The following DNPEP variants were observed in gnomAD, a reference collection of about 807,000 sequenced individuals.
DNPEP encodes the protein aspartyl aminopeptidase.
DNPEP carries 46 observed loss-of-function variants against 59.1 expected under a neutral mutation model. The observed-to-expected ratio is 0.78, with a 90% CI of 0.61 to 0.99. The LOEUF is 0.99. DNPEP is among the 50% of genes least tolerant of loss of function. The pLI, the probability that DNPEP is intolerant of heterozygous loss-of-function variation, is 0.00. For synonymous variants in DNPEP, 229 were observed against 242.2 expected (o/e 0.95, Z 0.50); for missense variants, 617 against 649.9 (o/e 0.95, Z 0.55).
intron 13 of DNPEP, 78 bp from the exon 14 acceptor site, chr2:219,375,100 C>T (rs1472905854): frequency 6.0e-6 from 9 of 1,507,144 alleles, no homozygotes; most frequent in Admixed American, 1.7e-5. Context: ...CTTAGAATTG[C>T]AGGGTGGGAA....
intron 8 of DNPEP, 118 bp from the exon 9 acceptor site, chr2:219,384,561 C>A: frequency 2.8e-6 from 2 of 723,274 alleles, no homozygotes; most frequent in South Asian, 3.8e-5. Context: ...TGGCTTAGGG[C>A]ACTATTTTGT....
chr2:219,387,027 G>C (rs374439223), intron 2 of DNPEP, 43 bp downstream of exon 2: 1 of 1,611,806 alleles, frequency 6.2e-7, no homozygotes, highest in East Asian at 2.2e-5. Flanking sequence ...GGTGAAGGGC[G>C]CATCAGCCTC....
intron 12 of DNPEP, 51 bp downstream of exon 12, chr2:219,381,494 G>A (rs751956938): frequency 1.8e-5 from 29 of 1,613,608 alleles, no homozygotes; most frequent in East Asian, 6.7e-5. Context: ...ATGAGTCGGC[G>A]CTCGGAACAG....
chr2:219,380,499 G>C (rs1227355611), intron 13 of DNPEP, among the ~76,000 whole-genome samples: 5 of 152,120 alleles, frequency 3.3e-5, no homozygotes, highest in Non-Finnish European at 7.4e-5. Flanking sequence ...TGGGATTACA[G>C]GTGTGAGCCA....
Position 219,374,997 on chromosome 2 carries a change from G to C in DNPEP, c.1265C>G (p.Pro422Arg), listed in dbSNP as rs200988234. 3.6e-4 allele frequency: 575 copies of C among 1,614,116 alleles called. 1 individual carries two copies. The African/African-American group carries it at 7.0e-3, about 20-fold the overall frequency. The change falls in exon 14 of 15, where the codon CCC becomes CGC. Residue 422 changes from proline (P) to arginine (R), a missense_variant. Coordinates refer to ENST00000273075, the MANE Select transcript of DNPEP (RefSeq NM_012100.4). ...LQDLMVRNDTPCGTTIGPILA... is the reference protein window; with the variant it reads ...LQDLMVRNDTRCGTTIGPILA... The stretch of plus-strand genomic sequence containing the variant: ...GATAGGTCCAATGGTGGTTCCACAG[G>C]GGGTGTCATTCCGGACCATGAGATC...
intron 13 of DNPEP, among the ~76,000 whole-genome samples, chr2:219,377,741 T>C (rs989282570): frequency 6.6e-6 from 1 of 151,966 alleles, no homozygotes; most frequent in Non-Finnish European, 1.5e-5. Context: ...CTGGGCAACA[T>C]AGCAAGAACC....
chr2:219,396,943 C>T (rs1954107769), intron 1 of DNPEP, among the ~76,000 whole-genome samples: 1 of 152,152 alleles, frequency 6.6e-6, no homozygotes, highest in Admixed American at 6.5e-5. Flanking sequence ...ACCAACTGCT[C>T]CTGTTAGTGA....
intron 13 of DNPEP, among the ~76,000 whole-genome samples, chr2:219,378,011 A>T (rs1385700334): frequency 1.3e-5 from 2 of 152,152 alleles, no homozygotes; most frequent in Non-Finnish European, 2.9e-5. Flanking sequence ...AAATATATCC[A>T]ATATAATATC....
At chr2:219,395,916 T>G (rs1041399590) in intron 1 of DNPEP, among the ~76,000 whole-genome samples, 1 of 152,178 alleles carries the variant, frequency 6.6e-6, no homozygotes, top group South Asian at 2.1e-4. Flanking sequence ...TGGCAGGTAG[T>G]GGATATACAA....
chr2:219,391,884 A>T, upstream of DNPEP, among the ~76,000 whole-genome samples: 1 of 152,088 alleles, frequency 6.6e-6, no homozygotes, highest in East Asian at 1.9e-4. Flanking sequence ...AAAAAAAAAA[A>T]AAGGTCAGTC....
rs766140069 is a variant in DNPEP, at chr2:219,386,094, G to A, written c.464C>T (p.Pro155Leu). The change falls in exon 6 of 15, where the codon CCT becomes CTT. Residue 155 changes from proline (P) to leucine (L), a missense_variant. Pro to Leu is a moderately conservative substitution (Grantham distance 98). Transcript: ENST00000273075. ...CTGCTGCTCCAGCCGACCTGAGGTA[G>A]GGCACTGCAGCCAGCCAGGCCAGGT... ...TLAGRVIVKC[P>L]TSGRLEQQLV... 1 of 1,614,062 alleles carries A rather than the reference G, an allele frequency of 6.2e-7. No individual in the cohort carries two copies. The highest frequency in any genetic ancestry group is 8.5e-7 in the Non-Finnish European group (1 of 1,180,006).
At chr2:219,384,596 T>G in intron 8 of DNPEP, 153 bp from the exon 9 acceptor site, 1,528 of 481,598 alleles carry the variant, frequency 3.2e-3, no homozygotes, top group East Asian at 6.7e-3. Flanking sequence ...GAGATGAAGG[T>G]TCGCTCTTGT....
chr2:219,381,936 C>G, intron 11 of DNPEP, 43 bp downstream of exon 11: 1 of 1,606,562 alleles, frequency 6.2e-7, no homozygotes, highest in Non-Finnish European at 8.5e-7. Context: ...ATGCTTGGGT[C>G]TCCAGCTATG....
chr2:219,382,029 C>T lies in DNPEP; in HGVS notation c.1047G>A (p.Lys349=), dbSNP rs767922355. ...HPTAFEEAIP[K]SFMISADMAH... The stretch of plus-strand genomic sequence containing the variant: ...CCATGTCTGCGCTGATCATGAAGGA[C>T]TTGGGTATGGCTTCCTCGAAGGCTG... The change falls in exon 11 of 15, where the codon AAG becomes AAA. Residue 349 remains lysine, a synonymous_variant. Transcript: ENST00000273075. 6.2e-7 allele frequency: 1 copy of T among 1,614,228 alleles called. No individual in the cohort carries two copies. The highest frequency in any genetic ancestry group is 1.1e-5 in the South Asian group (1 of 91,080).
At chr2:219,386,870 A>ACCCCCCCC in intron 3 of DNPEP, 22 bp downstream of exon 3, 1 of 1,431,922 alleles carries the variant, frequency 7.0e-7, no homozygotes, top group Non-Finnish European at 9.8e-7. Flanking sequence ...CTGCCTTTCC[A>ACCCCCCCC]CCCCCACCCC....
chr2:219,383,786 A>G (rs897392616), intron 9 of DNPEP, among the ~76,000 whole-genome samples: 12 of 152,324 alleles, frequency 7.9e-5, no homozygotes, highest in African/African-American at 2.9e-4. Context: ...TCTGGTCTCA[A>G]TTACAGCCCA....
At position 219,374,234 on chromosome 2, in the gene DNPEP, G is replaced by C. The variant is rs1411953920; in HGVS notation, c.*58C>G. On this transcript the variant is annotated 3_prime_UTR_variant, in exon 15 of 15. Coordinates refer to ENST00000273075, the MANE Select transcript of DNPEP (RefSeq NM_012100.4). ...ACTTTAATAATCCAGCTTCAGCTCA[G>C]CTGAGAACTTCCCCTCTCAGGTGCA... The C allele has an allele frequency of 6.8e-7, 1 of 1,474,748 alleles. No homozygotes were observed. The highest frequency in any genetic ancestry group is 1.4e-5 in the African/African-American group (1 of 72,036). The allele number at this position is 1,474,748 out of a possible 1,614,324, so 91.4% of individuals were successfully genotyped here. A position where few individuals can be genotyped will look rare whatever the true frequency, so the allele number is the denominator to read the frequency against.
intron 13 of DNPEP, 151 bp downstream of exon 13, chr2:219,381,184 G>A: frequency 1.4e-6 from 1 of 728,388 alleles, no homozygotes; most frequent in Non-Finnish European, 2.4e-6. Flanking sequence ...ATGGAATCCA[G>A]CTGTATCCAA....
At chr2:219,382,233 AC>A in intron 10 of DNPEP, 94 bp from the exon 11 acceptor site, 2 of 1,415,900 alleles carry the variant, frequency 1.4e-6, no homozygotes, top group Non-Finnish European at 1.9e-6. Flanking sequence ...CTGGCCCAAA[AC>A]CCCACTGAGT....
Sources: gnomAD v4.1 joint callset for allele counts (sites outside exome capture counted in the v4.1 genomes callset) on GRCh38, gnomAD v4.1.1 for gene constraint, MANE v1.5 for transcripts, NCBI Gene and HGNC (gene_info 2026-07-23, HGNC 2026-07-21) for gene names.